The following TNPO2 variants were observed in gnomAD, a reference collection of about 807,000 sequenced individuals.
TNPO2 encodes transportin 2, also known as transportin-2.
TNPO2 carries 16 observed loss-of-function variants against 111.1 expected under a neutral mutation model. The observed-to-expected ratio is 0.14, with a 90% CI of 0.10 to 0.22. The LOEUF is 0.22. Among genes scored for constraint, TNPO2 ranks in the 10% least tolerant of loss-of-function variants. The probability of loss-of-function intolerance (pLI) is 1.00; values close to 1 mark genes in which losing one functional copy is unlikely to be tolerated. For missense variants in TNPO2, 530 were observed against 1,173.7 expected (o/e 0.45, Z 8.01); for synonymous variants, 481 against 475.8 (o/e 1.01, Z -0.14).
Position 12,702,188 on chromosome 19 carries a change from G to A in TNPO2, c.2306-11C>T, listed in dbSNP as rs1320343378. 6 of 1,611,062 alleles carry A rather than the reference G, an allele frequency of 3.7e-6. No homozygotes were observed. The highest frequency in any genetic ancestry group is 2.2e-5 in the East Asian group (1 of 44,806). On this transcript the variant is annotated splice_polypyrimidine_tract_variant and intron_variant, in intron 21 of 25. Transcript: ENST00000425528. The surrounding 1 kb of genome is among the most constrained non-coding windows in gnomAD (Gnocchi z 5.5). ...GACTCGTCAGGCGACCTGCAACCCC[G>A]AGCGGCCCCGGGACGGTACGTGGCG... is the stretch of plus-strand genomic sequence containing the variant.
chr19:12,705,145 C>T lies in TNPO2; in HGVS notation c.2022+95G>A. On this transcript the variant is annotated intron_variant, in intron 18 of 25. Transcript: ENST00000425528. The surrounding 1 kb of genome is among the most constrained non-coding windows in gnomAD (Gnocchi z 7.2). ...AAATAATTAGAACAGCACCTTTTCC[C>T]TGATTTCCTTTGGGCACAACCAGGC... is the stretch of plus-strand genomic sequence containing the variant. The T allele has an allele frequency of 7.7e-7, 1 of 1,300,478 alleles. No individual in the cohort carries two copies. The highest frequency in any genetic ancestry group is 1.1e-6 in the Non-Finnish European group (1 of 938,784). The allele number at this position is 1,300,478 out of a possible 1,614,324, so 80.6% of individuals were successfully genotyped here.
At chr19:12,714,791 G>C (rs748287684) in intron 10 of TNPO2, 30 bp downstream of exon 10, 2 of 1,586,202 alleles carry the variant, frequency 1.3e-6, no homozygotes, top group African/African-American at 2.7e-5. Flanking sequence ...TCGAAGCTGG[G>C]GTAGGACAGT....
intron 13 of TNPO2, among the ~76,000 whole-genome samples, chr19:12,707,952 C>G (rs934720351): frequency 3.3e-5 from 5 of 152,108 alleles, no homozygotes; most frequent in Admixed American, 2.0e-4. Context: ...TCCCCAGTAG[C>G]TGGGACTACA....
In TNPO2 at chr19:12,706,550, G is replaced by A. The variant is rs1161337124; in HGVS notation, c.1496+20C>T. ...GGCCGGGGGAGAGTGGGGGCTGTGG[G>A]ATCAGGGGTCCAGGGTCACCTGCAG... On this transcript the variant is annotated intron_variant, in intron 14 of 25. Transcript: ENST00000425528. This position sits in a 1 kb window ranked among gnomAD's most constrained non-coding sequence, Gnocchi z 7.0. 6.2e-7 allele frequency: 1 copy of A among 1,612,282 alleles called. No individual in the cohort carries two copies. Among genetic ancestry groups the A allele is most frequent in the Non-Finnish European group, 8.5e-7 (1 of 1,178,600 alleles).
Position 12,702,177 on chromosome 19 carries a change from C to T in TNPO2, c.2306G>A (p.Gly769Asp). The T allele has an allele frequency of 6.2e-7, 1 of 1,612,722 alleles. No homozygotes were observed. Reference protein sequence around the residue: ...NTPKTLLENTGRLTSPSAIPA... With the variant: ...NTPKTLLENTDRLTSPSAIPA... ...AATGGCAGAGGGACTCGTCAGGCGA[C>T]CTGCAACCCCGAGCGGCCCCGGGAC... The change falls in exon 22 of 26, where the codon GGT becomes GAT. Residue 769 changes from glycine (G) to aspartate (D), a missense_variant and splice_region_variant. Gly to Asp is a moderately conservative substitution (Grantham distance 94). Transcript: ENST00000425528. The surrounding 1 kb of genome is among the most constrained non-coding windows in gnomAD (Gnocchi z 5.5).
chr19:12,715,774 G>T lies in TNPO2; in HGVS notation c.326-35C>A. On this transcript the variant is annotated intron_variant, in intron 5 of 25. Coordinates refer to ENST00000425528, the MANE Select transcript of TNPO2 (RefSeq NM_001382241.1). The surrounding 1 kb of genome is among the most constrained non-coding windows in gnomAD (Gnocchi z 7.1). Reference sequence around the variant, plus strand: ...CCGGGAAAGGACGCTGCCTGAGGCTGGGCAGGGGCTGCCTAGCACCTCCCC... The same window carrying T: ...CCGGGAAAGGACGCTGCCTGAGGCTTGGCAGGGGCTGCCTAGCACCTCCCC... 6.5e-7 allele frequency: 1 copy of T among 1,545,306 alleles called. No homozygotes were observed. Among genetic ancestry groups the T allele is most frequent in the Non-Finnish European group, 8.8e-7 (1 of 1,136,932 alleles).
In TNPO2 at chr19:12,714,978, G is replaced by A. The variant is rs199599730; in HGVS notation, c.772-39C>T. On this transcript the variant is annotated intron_variant, in intron 9 of 25. Coordinates refer to ENST00000425528, the MANE Select transcript of TNPO2 (RefSeq NM_001382241.1). ...GAGAAGCTGAGGCCTGGCCTGGCTG[G>A]GGGTGGCTCCCTGACCCCTGCCACC... 4.6e-5 allele frequency: 73 copies of A among 1,598,202 alleles called. No individual in the cohort carries two copies. In the African/African-American group the frequency reaches 8.6e-4, roughly 19 times the overall value.
chr19:12,713,958 G>A (rs1036483483), intron 10 of TNPO2, among the ~76,000 whole-genome samples: 2 of 152,120 alleles, frequency 1.3e-5, no homozygotes, highest in African/African-American at 4.8e-5. Context: ...TCAGCTGGGA[G>A]GTCAAGGCTG....
Position 12,719,205 on chromosome 19 carries a change from G to A in TNPO2, c.176-27C>T. On this transcript the variant is annotated intron_variant, in intron 4 of 25. Transcript: ENST00000425528. The surrounding 1 kb of genome is among the most constrained non-coding windows in gnomAD (Gnocchi z 5.0). ...TGGGAGGAGGAAGGCTGAGGTTCAG[G>A]GGCCCAGGGGGAGAAAGCAGGGTCC... is the stretch of plus-strand genomic sequence containing the variant. 4 of 1,613,842 alleles carry A rather than the reference G, an allele frequency of 2.5e-6. No individual in the cohort carries two copies. The highest frequency in any genetic ancestry group is 3.4e-6 in the Non-Finnish European group (4 of 1,179,760).
rs753300453 is a variant in TNPO2, at chr19:12,706,686, G to A, written c.1380C>T (p.Ser460=). The A allele has an allele frequency of 6.2e-7, 1 of 1,613,928 alleles. No individual in the cohort carries two copies. The highest frequency in any genetic ancestry group is 8.5e-7 in the Non-Finnish European group (1 of 1,179,880). The stretch of plus-strand genomic sequence containing the variant: ...GGCTGACCACCCAGTGGGCATAGCG[G>A]CTCAGCGTCCAGCAGGCGATGGAGC... The part of the protein sequence containing the change: ...LVRSIACWTL[S]RYAHWVVSQP... The change falls in exon 14 of 26, where the codon AGC becomes AGT. Residue 460 remains serine, a synonymous_variant. Transcript: ENST00000425528. This position sits in a 1 kb window ranked among gnomAD's most constrained non-coding sequence, Gnocchi z 7.0.
chr19:12,723,415 G>A (rs1267282455), intron 1 of TNPO2, 50 bp from the exon 2 acceptor site: 1 of 151,954 alleles, frequency 6.6e-6, no homozygotes, highest in Non-Finnish European at 1.5e-5. Context: ...TAGCGTCTTG[G>A]TTTCCCCTCC....
At position 12,706,153 on chromosome 19, in the gene TNPO2, G is replaced by C; in HGVS notation, c.1668+43C>G. 1.3e-6 allele frequency: 2 copies of C among 1,596,196 alleles called. No homozygotes were observed. Among genetic ancestry groups the C allele is most frequent in the Non-Finnish European group, 1.7e-6 (2 of 1,171,262 alleles). On this transcript the variant is annotated intron_variant, in intron 15 of 25. Transcript: ENST00000425528. The surrounding 1 kb of genome is among the most constrained non-coding windows in gnomAD (Gnocchi z 7.0). The stretch of plus-strand genomic sequence containing the variant: ...TTGCCACCAGGTCACTGGATGCCCA[G>C]GGGCACGGGGATCGGGAGGCGGGAG...
chr19:12,705,947 GCCCCA>G lies in TNPO2; in HGVS notation c.1669-184_1669-180del. On this transcript the variant is annotated intron_variant, in intron 15 of 25. Coordinates refer to ENST00000425528, the MANE Select transcript of TNPO2 (RefSeq NM_001382241.1). This position sits in a 1 kb window ranked among gnomAD's most constrained non-coding sequence, Gnocchi z 7.2. The stretch of plus-strand genomic sequence containing the variant: ...CTTCTCACCTGTCCAAGCACCGCCC[GCCCCA>G]CCCCACCCCCCGGGAGCCTGGGTTA... 2.2e-6 allele frequency: 1 copy of G among 462,270 alleles called. No homozygotes were observed. The highest frequency in any genetic ancestry group is 2.0e-5 in the African/African-American group (1 of 50,560). 28.6% of individuals were successfully genotyped at this position (462,270 alleles called of 1,614,324 possible).
Position 12,706,898 on chromosome 19 carries a change from G to T in TNPO2, c.1271-103C>A. 2 of 994,826 alleles carry T rather than the reference G, an allele frequency of 2.0e-6. No individual in the cohort carries two copies. Among genetic ancestry groups the T allele is most frequent in the Non-Finnish European group, 3.0e-6 (2 of 663,128 alleles). The allele number at this position is 994,826 out of a possible 1,614,324, so 61.6% of individuals were successfully genotyped here. ...GCACACAACATATAGGGAAACTGAG[G>T]CTTAGAGTTTAAATCACTGGCCCAG... On this transcript the variant is annotated intron_variant, in intron 13 of 25. Coordinates refer to ENST00000425528, the MANE Select transcript of TNPO2 (RefSeq NM_001382241.1). The surrounding 1 kb of genome is among the most constrained non-coding windows in gnomAD (Gnocchi z 7.0).
chr19:12,703,349 T>C, intron 20 of TNPO2, 79 bp downstream of exon 20: 2 of 1,328,576 alleles, frequency 1.5e-6, no homozygotes, highest in Non-Finnish European at 2.1e-6. Flanking sequence ...AAGGAAGCTG[T>C]CAGTCAGAGC....
chr19:12,703,386 A>T (rs755844174), intron 20 of TNPO2, 42 bp downstream of exon 20: 2 of 1,570,908 alleles, frequency 1.3e-6, no homozygotes, highest in Non-Finnish European at 1.8e-6. Context: ...GGTTGAGAAC[A>T]GGCTAATGGG....
Position 12,705,466 on chromosome 19 carries a change from C to T in TNPO2, c.1863+26G>A, listed in dbSNP as rs2025592539. ...CCCGAGGCAGGCCAATGCAGAAGCACAGGTGACGGGCCTAGGGTTGCTCAC... is the reference window on the plus strand; with the variant it reads ...CCCGAGGCAGGCCAATGCAGAAGCATAGGTGACGGGCCTAGGGTTGCTCAC... On this transcript the variant is annotated intron_variant, in intron 17 of 25. Transcript: ENST00000425528. The surrounding 1 kb of genome is among the most constrained non-coding windows in gnomAD (Gnocchi z 7.2). 6 of 1,579,624 alleles carry T rather than the reference C, an allele frequency of 3.8e-6. No homozygotes were observed. The highest frequency in any genetic ancestry group is 5.2e-6 in the Non-Finnish European group (6 of 1,162,954).
At position 12,705,965 on chromosome 19, in the gene TNPO2, G is replaced by A. The variant is rs2025632877; in HGVS notation, c.1669-197C>T. The A allele has an allele frequency of 4.8e-6, 3 of 631,080 alleles. No homozygotes were observed. In the South Asian group the frequency reaches 6.0e-5, roughly 13 times the overall value. The allele number at this position is 631,080 out of a possible 1,614,324, so 39.1% of individuals were successfully genotyped here. On this transcript the variant is annotated intron_variant, in intron 15 of 25. Transcript: ENST00000425528. The surrounding 1 kb of genome is among the most constrained non-coding windows in gnomAD (Gnocchi z 7.2). ...ACCGCCCGCCCCACCCCACCCCCCG[G>A]GAGCCTGGGTTACCACCTCCTGGTT... is the stretch of plus-strand genomic sequence containing the variant.
intron 10 of TNPO2, among the ~76,000 whole-genome samples, chr19:12,713,016 G>C (rs1009055914): frequency 6.6e-6 from 1 of 152,122 alleles, no homozygotes; most frequent in Non-Finnish European, 1.5e-5. Flanking sequence ...CTCCCAAAGT[G>C]CTAGGATTAT....
Sources: gnomAD v4.1 joint callset for allele counts (sites outside exome capture counted in the v4.1 genomes callset) on GRCh38, gnomAD v4.1.1 for gene constraint, Gnocchi (gnomAD v3.1) non-coding constraint, MANE v1.5 for transcripts, NCBI Gene and HGNC (gene_info 2026-07-23, HGNC 2026-07-21) for gene names.